OXCT1: variants seen among roughly 807,000 people sequenced by gnomAD.
OXCT1 encodes the protein 3-oxoacid CoA-transferase 1.
A neutral mutation model predicts 69.6 loss-of-function variants in OXCT1; 27 were observed. That is an observed-to-expected ratio of 0.39 (90% CI 0.29 to 0.54). The LOEUF (loss-of-function observed/expected upper bound fraction) is 0.54. OXCT1 is among the 20% of genes least tolerant of loss of function. The pLI is 0.72. For synonymous variants in OXCT1, 202 were observed against 217.8 expected (o/e 0.93, Z 0.64); for missense variants, 437 against 650.2 (o/e 0.67, Z 3.57).
chr5:41,828,675 G>A (rs964973634), intron 7 of OXCT1, among the ~76,000 whole-genome samples: 3 of 152,042 alleles, frequency 2.0e-5, no homozygotes, highest in South Asian at 4.1e-4. Flanking sequence ...GTCATTTCTC[G>A]ACATCTATAC....
chr5:41,820,461 A>G (rs1747491881), intron 7 of OXCT1, among the ~76,000 whole-genome samples: 1 of 152,260 alleles, frequency 6.6e-6, no homozygotes, highest in Non-Finnish European at 1.5e-5. Flanking sequence ...TCACTAAAGC[A>G]TTAATAGTGA....
intron 7 of OXCT1, among the ~76,000 whole-genome samples, chr5:41,821,743 T>C (rs1182443161): frequency 6.6e-6 from 1 of 152,232 alleles, no homozygotes. Flanking sequence ...GTATCTTCTC[T>C]GGTAAGGTGC....
At position 41,840,315 on chromosome 5, in the gene OXCT1, TG is replaced by T. The variant is rs35341070; in HGVS notation, c.732+135del. The T allele has an allele frequency of 0.19, 133,913 of 712,118 alleles. 14,038 individuals carry two copies. Among genetic ancestry groups the T allele is most frequent in the Middle Eastern group, 0.29 (738 of 2,510 alleles). The allele number at this position is 712,118 out of a possible 1,614,324, so 44.1% of individuals were successfully genotyped here. A position where few individuals can be genotyped will look rare whatever the true frequency, so the allele number is the denominator to read the frequency against. On this transcript the variant is annotated intron_variant, in intron 7 of 16. Transcript: ENST00000196371. ...TTAACTATTATATATTTAGATAGAA[TG>T]GATCCATTTCCAAAACAAAAAAAAA...
At chr5:41,856,303 C>T (rs1468669564) in intron 3 of OXCT1, among the ~76,000 whole-genome samples, 1 of 152,144 alleles carries the variant, frequency 6.6e-6, no homozygotes, top group Admixed American at 6.5e-5. Flanking sequence ...CCTGATGAAG[C>T]TGCAGACCCA....
At chr5:41,749,492 T>C (rs1288701399) in intron 15 of OXCT1, 35 bp downstream of exon 15, 2 of 1,386,566 alleles carry the variant, frequency 1.4e-6, no homozygotes, top group Non-Finnish European at 2.1e-6. Flanking sequence ...AATGCTTACT[T>C]AAAACATGGT....
intron 7 of OXCT1, among the ~76,000 whole-genome samples, chr5:41,812,733 G>A (rs1747044260): frequency 1.3e-5 from 2 of 151,936 alleles, no homozygotes; most frequent in Non-Finnish European, 2.9e-5. Context: ...GACTTCACCA[G>A]GGAGAAAGAA....
At chr5:41,822,979 T>C (rs1039603700) in intron 7 of OXCT1, among the ~76,000 whole-genome samples, 1 of 152,218 alleles carries the variant, frequency 6.6e-6, no homozygotes. Flanking sequence ...ATTCTCATCA[T>C]TGTCCTTGTT....
intron 13 of OXCT1, 28 bp downstream of exon 13, chr5:41,793,975 T>C: frequency 1.5e-6 from 2 of 1,351,522 alleles, no homozygotes; most frequent in South Asian, 1.2e-5. Context: ...GATCCAAACA[T>C]AATTCAGAAT....
intron 14 of OXCT1, among the ~76,000 whole-genome samples, chr5:41,758,334 T>A (rs1744183174): frequency 6.6e-6 from 1 of 152,070 alleles, no homozygotes; most frequent in Non-Finnish European, 1.5e-5. Context: ...GGTGGAGTTG[T>A]GTAATAGGAA....
chr5:41,745,395 C>T (rs545683962), intron 15 of OXCT1, among the ~76,000 whole-genome samples: 326 of 152,086 alleles, frequency 2.1e-3, no homozygotes, highest in African/African-American at 7.5e-3. Context: ...GGGACACATT[C>T]AAAGCAGTGT....
chr5:41,767,644 A>G (rs1744669916), intron 13 of OXCT1, among the ~76,000 whole-genome samples: 1 of 146,968 alleles, frequency 6.8e-6, no homozygotes, highest in East Asian at 2.0e-4. Flanking sequence ...TCACGTCTCT[A>G]ATAGTTAATC....
At chr5:41,824,394 G>A (rs1747705917) in intron 7 of OXCT1, among the ~76,000 whole-genome samples, 1 of 152,140 alleles carries the variant, frequency 6.6e-6, no homozygotes, top group Non-Finnish European at 1.5e-5. Context: ...CACACTCTGT[G>A]TAAAGCACAT....
chr5:41,829,252 T>C (rs1019926120), intron 7 of OXCT1, among the ~76,000 whole-genome samples: 1 of 152,178 alleles, frequency 6.6e-6, no homozygotes, highest in African/African-American at 2.4e-5. Flanking sequence ...AATGTGCATA[T>C]TTATAACATT....
At chr5:41,795,923 A>G (rs759903670) in intron 11 of OXCT1, among the ~76,000 whole-genome samples, 1 of 152,020 alleles carries the variant, frequency 6.6e-6, no homozygotes, top group Non-Finnish European at 1.5e-5. Context: ...GAAAAAAAGG[A>G]CCCACCTAAT....
At chr5:41,857,297 A>G (rs575884184) in intron 3 of OXCT1, among the ~76,000 whole-genome samples, 5 of 152,300 alleles carry the variant, frequency 3.3e-5, no homozygotes, top group Non-Finnish European at 7.4e-5. Context: ...TTTCATTCAG[A>G]GTAAAATTAA....
At chr5:41,828,770 G>A (rs767121215) in intron 7 of OXCT1, among the ~76,000 whole-genome samples, 4 of 152,112 alleles carry the variant, frequency 2.6e-5, no homozygotes, top group Non-Finnish European at 5.9e-5. Context: ...AAGAAATACT[G>A]AGTAATTTAA....
At chr5:41,843,577 T>A (rs765774180) in intron 5 of OXCT1, 2 of 456,194 alleles carry the variant, frequency 4.4e-6, no homozygotes, top group Non-Finnish European at 8.8e-6. Flanking sequence ...TGTCTTGCCA[T>A]CATGTTCTTT....
chr5:41,754,367 C>T (rs1276165673), intron 14 of OXCT1, among the ~76,000 whole-genome samples: 1 of 152,036 alleles, frequency 6.6e-6, no homozygotes, highest in African/African-American at 2.4e-5. Context: ...ATGGGAAATG[C>T]TGTATTACAA....
intron 5 of OXCT1, among the ~76,000 whole-genome samples, chr5:41,847,712 C>T (rs1235785942): frequency 1.3e-5 from 2 of 151,998 alleles, no homozygotes; most frequent in South Asian, 2.1e-4. Flanking sequence ...CAGAAAAGAC[C>T]GTGACAAAAT....
Sources: gnomAD v4.1 joint callset for allele counts (sites outside exome capture counted in the v4.1 genomes callset) on GRCh38, gnomAD v4.1.1 for gene constraint, MANE v1.5 for transcripts, NCBI Gene and HGNC (gene_info 2026-07-23, HGNC 2026-07-21) for gene names.